SPOCK3: variants seen among roughly 807,000 people sequenced by gnomAD.
The protein encoded by SPOCK3 is SPARC (osteonectin), cwcv and kazal like domains proteoglycan 3.
In SPOCK3, 30 loss-of-function variants were observed where a neutral mutation model predicts 56.6. The observed-to-expected ratio is 0.53, with a 90% confidence interval of 0.40 to 0.72. The LOEUF (loss-of-function observed/expected upper bound fraction) is 0.72. SPOCK3 is among the 30% of genes least tolerant of loss of function. The pLI is 0.00. For synonymous variants in SPOCK3, 196 were observed against 183.3 expected, an observed-to-expected ratio of 1.07 and a Z score of -0.56; for missense variants, 527 against 530.0, an observed-to-expected ratio of 0.99 and a Z score of 0.06.
chr4:166,823,732 A>G (rs1745170355), intron 6 of SPOCK3, among the ~76,000 whole-genome samples: 1 of 152,054 alleles, frequency 6.6e-6, no homozygotes, highest in African/African-American at 2.4e-5. Context: ...TGGTGTTATG[A>G]GATAGGTGTT....
intron 4 of SPOCK3, among the ~76,000 whole-genome samples, chr4:166,961,701 A>T (rs1173141758): frequency 6.6e-6 from 1 of 152,158 alleles, no homozygotes; most frequent in East Asian, 1.9e-4. Flanking sequence ...CTTCCAAAAG[A>T]TAGTTTCCGG....
rs141679220 is a variant in SPOCK3 at position 166,857,427 on chromosome 4, G to A, written c.589+31703C>T. Among the ~76,000 whole-genome samples the A allele has an allele frequency of 5.9e-5, 9 of 152,282 alleles. No homozygotes were observed. In the East Asian group the frequency reaches 1.7e-3, roughly 30 times the overall value. The stretch of plus-strand genomic sequence containing the variant: ...CAGAGACCTTCAGAAATCTGCATGA[G>A]CCAGCTGGAAAGTCTTGTTGCTCCA... On this transcript the variant is annotated intron_variant, in intron 6 of 10. Coordinates refer to ENST00000357545, the MANE Select transcript of SPOCK3 (RefSeq NM_001040159.2).
chr4:166,819,927 G>A (rs1221690964), intron 6 of SPOCK3, among the ~76,000 whole-genome samples: 1 of 151,856 alleles, frequency 6.6e-6, no homozygotes. Flanking sequence ...TAGCTATATT[G>A]CCTAGGGTCA....
At chr4:167,018,562 G>T (rs1000051547) in intron 3 of SPOCK3, among the ~76,000 whole-genome samples, 1 of 152,116 alleles carries the variant, frequency 6.6e-6, no homozygotes, top group Non-Finnish European at 1.5e-5. Flanking sequence ...ATGCTCAATT[G>T]TTGGTTCTTC....
At chr4:166,950,140 C>A (rs1742363237) in intron 4 of SPOCK3, among the ~76,000 whole-genome samples, 1 of 151,482 alleles carries the variant, frequency 6.6e-6, no homozygotes, top group African/African-American at 2.4e-5. Flanking sequence ...CACAGACTGG[C>A]AAATTGGATA....
At chr4:166,947,329 C>T (rs1170491120) in intron 4 of SPOCK3, among the ~76,000 whole-genome samples, 1 of 152,086 alleles carries the variant, frequency 6.6e-6, no homozygotes, top group Non-Finnish European at 1.5e-5. Context: ...ATACTGCACA[C>T]AGATTTTCTA....
In SPOCK3 at chr4:167,087,968, C is replaced by T. The variant is rs540630113; in HGVS notation, c.190-25431G>A. ...AAAAAGATGGTAGTAGATAAGCAAA[C>T]GCTGATAACATATACCACCAATATA... On this transcript the variant is annotated intron_variant, in intron 2 of 10. Coordinates refer to ENST00000357545, the MANE Select transcript of SPOCK3 (RefSeq NM_001040159.2). 1.5e-3 allele frequency among the ~76,000 whole-genome samples: 232 copies of T among 151,574 alleles called. 1 individual carries two copies. Among genetic ancestry groups the T allele is most frequent in the Non-Finnish European group, 2.8e-3 (187 of 67,930 alleles).
intron 2 of SPOCK3, among the ~76,000 whole-genome samples, chr4:167,155,483 C>A (rs530827689): frequency 1.3e-5 from 2 of 152,206 alleles, no homozygotes; most frequent in South Asian, 4.1e-4. Context: ...CAAGTTAAAA[C>A]TAAAGTTATG....
intron 3 of SPOCK3, among the ~76,000 whole-genome samples, chr4:167,048,562 C>T (rs1238179158): frequency 6.6e-5 from 10 of 152,112 alleles, no homozygotes; most frequent in African/African-American, 2.4e-4. Flanking sequence ...ATAACAAATG[C>T]CTTAGAAAAA....
intron 3 of SPOCK3, chr4:167,011,345 A>C (rs186229799): frequency 2.9e-4 from 133 of 454,796 alleles, no homozygotes; most frequent in African/African-American, 2.3e-3. Context: ...TGCCTTAAGC[A>C]TACCTATTCA....
intron 2 of SPOCK3, chr4:167,119,735 T>C (rs1761714306): frequency 2.5e-6 from 3 of 1,197,738 alleles, no homozygotes; most frequent in Non-Finnish European, 3.6e-6. Context: ...GTCTATAACA[T>C]AATGGGTACT....
In SPOCK3 at chr4:166,903,254, T is replaced by C. The variant is rs147292776; in HGVS notation, c.474+9366A>G. 7.3e-3 allele frequency among the ~76,000 whole-genome samples: 1,102 copies of C among 151,746 alleles called. 11 individuals carry two copies. Among genetic ancestry groups the C allele is most frequent in the African/African-American group, 0.025 (1,021 of 41,464 alleles). On this transcript the variant is annotated intron_variant, in intron 5 of 10. Coordinates refer to ENST00000357545, the MANE Select transcript of SPOCK3 (RefSeq NM_001040159.2). ...AATCCTTAGACGTTTGAATTAATAA[T>C]AGATTTCTACAGAGAAAGTATATAT...
intron 2 of SPOCK3, among the ~76,000 whole-genome samples, chr4:167,221,936 C>A (rs949321022): frequency 6.6e-6 from 1 of 152,098 alleles, no homozygotes; most frequent in African/African-American, 2.4e-5. Context: ...TATCAGATGA[C>A]CCAGCAATTC....
At chr4:166,884,871 ACAC>A (rs949947782) in intron 6 of SPOCK3, among the ~76,000 whole-genome samples, 1 of 28,856 alleles carries the variant, frequency 3.5e-5, no homozygotes, top group African/African-American at 6.6e-5. Flanking sequence ...AACTGGTTAA[ACAC>A]ACACACACAC....
At position 167,051,988 on chromosome 4, in the gene SPOCK3, C is replaced by T. The variant is rs543368865; in HGVS notation, c.235+10504G>A. Among the ~76,000 whole-genome samples, 13 of 152,140 alleles carry T rather than the reference C, an allele frequency of 8.5e-5. No homozygotes were observed. The East Asian group carries it at 2.1e-3, about 25-fold the overall frequency. Reference sequence around the variant, plus strand: ...GGAAACGGAAAATAGATATAATTTGCCTTCTTGCACACCTATGTAGGCTAA... The same window carrying T: ...GGAAACGGAAAATAGATATAATTTGTCTTCTTGCACACCTATGTAGGCTAA... On this transcript the variant is annotated intron_variant, in intron 3 of 10. Coordinates refer to ENST00000357545, the MANE Select transcript of SPOCK3 (RefSeq NM_001040159.2).
rs534811522 is a variant in SPOCK3 at position 167,137,426 on chromosome 4, T to C, written c.190-74889A>G. Among the ~76,000 whole-genome samples the C allele has an allele frequency of 1.8e-4, 27 of 152,066 alleles. No individual in the cohort carries two copies. The South Asian group carries it at 5.6e-3, about 32-fold the overall frequency. Reference sequence around the variant, plus strand: ...TTTTCATCTTTTAAAAAATTCAATATGGAGGAGGATAGAATAAATTTTAAA... The same window carrying C: ...TTTTCATCTTTTAAAAAATTCAATACGGAGGAGGATAGAATAAATTTTAAA... On this transcript the variant is annotated intron_variant, in intron 2 of 10. Coordinates refer to ENST00000357545, the MANE Select transcript of SPOCK3 (RefSeq NM_001040159.2).
chr4:166,891,568 T>C (rs944150692), intron 5 of SPOCK3, among the ~76,000 whole-genome samples: 1 of 151,924 alleles, frequency 6.6e-6, no homozygotes, highest in Non-Finnish European at 1.5e-5. Flanking sequence ...CATTATTCAA[T>C]GCTTCAAAAA....
At position 166,841,588 on chromosome 4, in the gene SPOCK3, T is replaced by C. The variant is rs1747341245; in HGVS notation, c.589+47542A>G. ...GTGTCTGTCACTTTTCACTAGTTCT[T>C]ATAAATATGGCCTTCCTTAATTTGC... On this transcript the variant is annotated intron_variant, in intron 6 of 10. Transcript: ENST00000357545. Among the ~76,000 whole-genome samples the C allele has an allele frequency of 2.0e-5, 3 of 152,236 alleles. No homozygotes were observed. In the South Asian group the frequency reaches 6.2e-4, roughly 32 times the overall value.
At chr4:167,162,328 G>C (rs1405295570) in intron 2 of SPOCK3, among the ~76,000 whole-genome samples, 1 of 151,766 alleles carries the variant, frequency 6.6e-6, no homozygotes, top group Admixed American at 6.6e-5. Flanking sequence ...CTTAGCAATG[G>C]GTGAGGAAAA....
Sources: allele counts gnomAD v4.1 joint callset (sites outside exome capture counted in the v4.1 genomes callset), GRCh38; gene constraint gnomAD v4.1.1; transcripts MANE v1.5; gene names NCBI Gene and HGNC (gene_info 2026-07-23, HGNC 2026-07-21).